Variants in TMEM178B observed in about 807,000 individuals in gnomAD.
TMEM178B encodes the protein transmembrane protein 178B.
In TMEM178B, 5 loss-of-function variants were observed where a neutral mutation model predicts 31.0. The ratio of observed to expected loss-of-function variants is 0.16; its 90% confidence interval spans 0.08 to 0.34. The LOEUF (loss-of-function observed/expected upper bound fraction) is 0.34. Ranked by LOEUF, TMEM178B falls within the 10% of genes least tolerant of loss-of-function variation. The pLI is 1.00. For synonymous variants in TMEM178B, 164 were observed against 164.0 expected (o/e 1.00, Z 0.00); for missense variants, 275 against 400.3 (o/e 0.69, Z 2.67).
At chr7:141,309,575 C>G (rs191708624) in intron 2 of TMEM178B, among the ~76,000 whole-genome samples, 85 of 152,198 alleles carry the variant, frequency 5.6e-4, no homozygotes, top group Non-Finnish European at 1.0e-3. Context: ...TTATTTTCCA[C>G]TTTGATAGAT....
In TMEM178B at chr7:141,343,695, G is replaced by A. The variant is rs370830340; in HGVS notation, c.497-93913G>A. 1.6e-3 allele frequency among the ~76,000 whole-genome samples: 237 copies of A among 151,946 alleles called. 1 individual carries two copies. Among genetic ancestry groups the A allele is most frequent in the African/African-American group, 5.2e-3 (217 of 41,458 alleles). The stretch of plus-strand genomic sequence containing the variant: ...CTCCCGAGTAGCTGGGACTACAGGC[G>A]CCCGCCACCAAGCCTGGCTAATTTT... On this transcript the variant is annotated intron_variant, in intron 2 of 3. Coordinates refer to ENST00000565468, the MANE Select transcript of TMEM178B (RefSeq NM_001195278.2).
chr7:141,250,037 G>T (rs762170381), intron 2 of TMEM178B, among the ~76,000 whole-genome samples: 65 of 152,068 alleles, frequency 4.3e-4, no homozygotes, highest in Non-Finnish European at 7.4e-4. Context: ...AAATATTTTT[G>T]GGGCCAAAAT....
chr7:141,456,868 A>G (rs1801973297), intron 3 of TMEM178B, among the ~76,000 whole-genome samples: 2 of 152,218 alleles, frequency 1.3e-5, no homozygotes, highest in South Asian at 4.1e-4. Flanking sequence ...GATGCTCCTT[A>G]CTGCACAGCT....
intron 2 of TMEM178B, among the ~76,000 whole-genome samples, chr7:141,405,514 C>T (rs1269391751): frequency 6.6e-6 from 1 of 152,254 alleles, no homozygotes; most frequent in African/African-American, 2.4e-5. Context: ...ATCTCCCAGG[C>T]TGTGAGGATC....
In TMEM178B at chr7:141,076,702, C is replaced by T. The variant is rs577547340; in HGVS notation, c.382+2010C>T. Among the ~76,000 whole-genome samples, 23 of 152,216 alleles carry T rather than the reference C, an allele frequency of 1.5e-4. 1 individual carries two copies. Among genetic ancestry groups the T allele is most frequent in the Non-Finnish European group, 2.5e-4 (17 of 68,010 alleles). On this transcript the variant is annotated intron_variant, in intron 1 of 3. Coordinates refer to ENST00000565468, the MANE Select transcript of TMEM178B (RefSeq NM_001195278.2). ...AATGTACAACATTTTGATTTTGTAT[C>T]GACTGATTTTTAATTGCAGCAACAG...
At chr7:141,269,393 C>G (rs973768915) in intron 2 of TMEM178B, among the ~76,000 whole-genome samples, 1 of 152,012 alleles carries the variant, frequency 6.6e-6, no homozygotes, top group South Asian at 2.1e-4. Context: ...CTGTGCCTGG[C>G]CTTTGTTTCC....
At chr7:141,356,994 T>C (rs1799831190) in intron 2 of TMEM178B, among the ~76,000 whole-genome samples, 1 of 152,134 alleles carries the variant, frequency 6.6e-6, no homozygotes, top group Non-Finnish European at 1.5e-5. Flanking sequence ...GTGGATTGCA[T>C]TGTAATTTGT....
At chr7:141,431,338 T>C (rs1801425810) in intron 2 of TMEM178B, 1 of 152,178 alleles carries the variant, frequency 6.6e-6, no homozygotes. Context: ...GCAATACCTA[T>C]CCATTTAAAT....
intron 1 of TMEM178B, among the ~76,000 whole-genome samples, chr7:141,143,498 G>C (rs1448850751): frequency 6.6e-6 from 1 of 152,082 alleles, no homozygotes; most frequent in Non-Finnish European, 1.5e-5. Flanking sequence ...GCTTATTTTT[G>C]TTGACTTTGT....
intron 2 of TMEM178B, among the ~76,000 whole-genome samples, chr7:141,249,530 G>C (rs1330463664): frequency 6.6e-6 from 1 of 152,230 alleles, no homozygotes; most frequent in African/African-American, 2.4e-5. Context: ...TGGGTAACAG[G>C]TGAAATGGCA....
At chr7:141,339,569 A>C (rs986097933) in intron 2 of TMEM178B, among the ~76,000 whole-genome samples, 2 of 152,278 alleles carry the variant, frequency 1.3e-5, no homozygotes, top group Non-Finnish European at 2.9e-5. Context: ...TAGGGAGTTC[A>C]TAAAGTGGAA....
rs1052426123 is a variant in TMEM178B at position 141,224,823 on chromosome 7, G to C, written c.496+12119G>C. Among the ~76,000 whole-genome samples, 81 of 152,330 alleles carry C rather than the reference G, an allele frequency of 5.3e-4. 1 individual carries two copies. Among genetic ancestry groups the C allele is most frequent in the African/African-American group, 1.9e-3 (79 of 41,572 alleles). ...CACCCCTTGGAGAGCTCTCGTCCTA[G>C]AGCGACCCTTCAAAGTCTCCTGAAT... is the stretch of plus-strand genomic sequence containing the variant. On this transcript the variant is annotated intron_variant, in intron 2 of 3. Transcript: ENST00000565468.
intron 1 of TMEM178B, among the ~76,000 whole-genome samples, chr7:141,079,667 C>T (rs1348309633): frequency 6.6e-6 from 1 of 152,206 alleles, no homozygotes; most frequent in Admixed American, 6.5e-5. Flanking sequence ...CTTCTTCCCT[C>T]CTGCCCTCTC....
At chr7:141,166,396 C>T (rs1430319721) in intron 1 of TMEM178B, among the ~76,000 whole-genome samples, 1 of 152,224 alleles carries the variant, frequency 6.6e-6, no homozygotes, top group African/African-American at 2.4e-5. Flanking sequence ...GAGTAGTTCA[C>T]ACCAGCGTGA....
At chr7:141,505,233 C>A in the TMEM178B span, among the ~76,000 whole-genome samples, 5 of 152,202 alleles carry the variant, frequency 3.3e-5, no homozygotes, top group Non-Finnish European at 7.3e-5. Context: ...TGGCAGGGCA[C>A]CTAATGGCAA....
rs6962987 is a variant in TMEM178B, at chr7:141,097,523, C to T, written c.382+22831C>T. On this transcript the variant is annotated intron_variant, in intron 1 of 3. Coordinates refer to ENST00000565468, the MANE Select transcript of TMEM178B (RefSeq NM_001195278.2). Reference sequence around the variant, plus strand: ...CCCTCTCAAAAATGTTAAGAATGGTCAAGGGTCTCTTAACCTCATCCTGGT... The same window carrying T: ...CCCTCTCAAAAATGTTAAGAATGGTTAAGGGTCTCTTAACCTCATCCTGGT... 8.9e-3 allele frequency among the ~76,000 whole-genome samples: 1,352 copies of T among 152,024 alleles called. 21 individuals carry two copies. The highest frequency in any genetic ancestry group is 0.031 in the African/African-American group (1,273 of 41,488).
At chr7:141,486,701 G>GT in the TMEM178B span, among the ~76,000 whole-genome samples, 1 of 152,174 alleles carries the variant, frequency 6.6e-6, no homozygotes, top group East Asian at 1.9e-4. Context: ...AAGTAGAATT[G>GT]TTTTTTAAGC....
chr7:141,413,368 A>G (rs1451735727), intron 2 of TMEM178B, among the ~76,000 whole-genome samples: 4 of 152,164 alleles, frequency 2.6e-5, no homozygotes, highest in Non-Finnish European at 4.4e-5. Flanking sequence ...GTATATTCCA[A>G]TTCTTGAAAG....
intron 2 of TMEM178B, among the ~76,000 whole-genome samples, chr7:141,409,953 G>T (rs548780782): frequency 1.3e-5 from 2 of 152,048 alleles, no homozygotes; most frequent in South Asian, 4.2e-4. Flanking sequence ...GCTGAGCCCC[G>T]GGTGACATAT....
Sources: gnomAD v4.1 joint callset for allele counts (sites outside exome capture counted in the v4.1 genomes callset) on GRCh38, gnomAD v4.1.1 for gene constraint, MANE v1.5 for transcripts, NCBI Gene and HGNC (gene_info 2026-07-23, HGNC 2026-07-21) for gene names.